The following ZFPM1 variants were observed in gnomAD, a reference collection of about 807,000 sequenced individuals.
ZFPM1 encodes zinc finger protein, FOG family member 1.
A neutral mutation model predicts 46.3 loss-of-function variants in ZFPM1; 28 were observed. The observed-to-expected ratio is 0.60, with a 90% CI of 0.45 to 0.83. The LOEUF (loss-of-function observed/expected upper bound fraction) is 0.83. ZFPM1 is among the 40% of genes least tolerant of loss of function. The pLI, the probability that ZFPM1 is intolerant of heterozygous loss-of-function variation, is 0.00. For missense variants in ZFPM1, 1,878 were observed against 1,432.4 expected (o/e 1.31, Z -5.02); for synonymous variants, 957 against 675.9 (o/e 1.42, Z -6.45).
intron 1 of ZFPM1, among the ~76,000 whole-genome samples, chr16:88,473,338 C>T (rs1908512491): frequency 6.6e-6 from 1 of 150,568 alleles, no homozygotes; most frequent in Non-Finnish European, 1.5e-5. Flanking sequence ...GTCTCCTGGG[C>T]TTGTGAGCTC....
chr16:88,485,895 C>T, intron 1 of ZFPM1, 44 bp from the exon 2 acceptor site: 2 of 1,574,298 alleles, frequency 1.3e-6, no homozygotes, highest in Middle Eastern at 1.7e-4. Flanking sequence ...CAGGAGCTGT[C>T]CCCCCAGAGC....
intron 4 of ZFPM1, among the ~76,000 whole-genome samples, chr16:88,526,514 G>A (rs1266782625): frequency 6.6e-6 from 1 of 152,182 alleles, no homozygotes; most frequent in African/African-American, 2.4e-5. Flanking sequence ...GTGACCTGGA[G>A]CATGTTGCTC....
intron 1 of ZFPM1, among the ~76,000 whole-genome samples, chr16:88,472,874 G>C (rs190135858): frequency 1.5e-3 from 228 of 152,364 alleles, no homozygotes; most frequent in African/African-American, 4.6e-3. Context: ...TGGGTTGGAG[G>C]CTGATGTGTT....
At position 88,533,921 on chromosome 16, in the gene ZFPM1, G is replaced by A. The variant is rs1389499917; in HGVS notation, c.1963G>A (p.Glu655Lys). 1.4e-5 allele frequency: 17 copies of A among 1,209,944 alleles called. 1 individual carries two copies. In the South Asian group the frequency reaches 1.5e-4, roughly 10 times the overall value. The allele number at this position is 1,209,944 out of a possible 1,614,324, so 75.0% of individuals were successfully genotyped here. The change falls in exon 10 of 10, where the codon GAG becomes AAG. Residue 655 changes from glutamate (E) to lysine (K), a missense_variant. By Grantham distance (56) the Glu-to-Lys change is moderately conservative. Transcript: ENST00000319555. ...GGGGGCTGGGGGCGCGGCCACGCCCGAGGACGGCGCGGGCGGCCGGGGCAG... is the reference window on the plus strand; with the variant it reads ...GGGGGCTGGGGGCGCGGCCACGCCCAAGGACGGCGCGGGCGGCCGGGGCAG... ...EEGAGGAATP[E>K]DGAGGRGSEG... is the part of the protein sequence containing the mutation.
chr16:88,528,172 C>A lies in ZFPM1; in HGVS notation c.646C>A (p.His216Asn). ...AGAGCCCACGTGCCCGGCCCCTGCA[C>A]ACGACCTCCAGCTCCTGCCCCAGCA... ...PAEPTCPAPAHDLQLLPQQAG... is the reference protein window; with the variant it reads ...PAEPTCPAPANDLQLLPQQAG... Residue 216 changes from histidine to asparagine, a missense_variant, in exon 6 of 10, where the codon CAC becomes AAC. Coordinates refer to ENST00000319555, the MANE Select transcript of ZFPM1 (RefSeq NM_153813.3). 2 of 1,610,108 alleles carry A rather than the reference C, an allele frequency of 1.2e-6. No homozygotes were observed. Among genetic ancestry groups the A allele is most frequent in the Non-Finnish European group, 1.7e-6 (2 of 1,179,338 alleles).
chr16:88,489,238 G>A (rs1364375324), intron 3 of ZFPM1, 85 bp downstream of exon 3: 7 of 1,487,796 alleles, frequency 4.7e-6, no homozygotes, highest in African/African-American at 1.4e-5. Context: ...GTGGGTGCTG[G>A]GGCAGGTGTG....
chr16:88,517,969 G>T (rs1406052592), intron 4 of ZFPM1, among the ~76,000 whole-genome samples: 1 of 152,088 alleles, frequency 6.6e-6, no homozygotes, highest in Non-Finnish European at 1.5e-5. Context: ...CCAGCACTTT[G>T]GGAGGCCGAG....
intron 3 of ZFPM1, among the ~76,000 whole-genome samples, chr16:88,502,372 C>T (rs1439557079): frequency 6.6e-6 from 1 of 152,034 alleles, no homozygotes; most frequent in South Asian, 2.1e-4. Context: ...GGGGCCCGGG[C>T]GCCGGGCACT....
chr16:88,471,380 G>A lies in ZFPM1; in HGVS notation c.41-14559G>A, dbSNP rs62048964. 1.3e-5 allele frequency among the ~76,000 whole-genome samples: 2 copies of A among 152,198 alleles called. No individual in the cohort carries two copies. The highest frequency in any genetic ancestry group is 2.9e-5 in the Non-Finnish European group (2 of 68,026). ...GCTCCCGCTCACAGTTCAGGACCCC[G>A]AGATGACCGTGCCCACAGTGGCTCC... On this transcript the variant is annotated intron_variant, in intron 1 of 9. Transcript: ENST00000319555. The surrounding 1 kb of genome is among the most constrained non-coding windows in gnomAD (Gnocchi z 4.1).
chr16:88,517,534 G>T (rs1450386376), intron 4 of ZFPM1, among the ~76,000 whole-genome samples: 2 of 151,616 alleles, frequency 1.3e-5, no homozygotes, highest in African/African-American at 4.8e-5. Context: ...ATAGGTGGGT[G>T]GATGGATGAG....
rs550809313 is a variant in ZFPM1 at position 88,471,779 on chromosome 16, C to A, written c.41-14160C>A. 6.6e-6 allele frequency among the ~76,000 whole-genome samples: 1 copy of A among 152,396 alleles called. No homozygotes were observed. Among genetic ancestry groups the A allele is most frequent in the East Asian group, 1.9e-4 (1 of 5,190 alleles). ...CTGGGATCTGCCACAGACACCTGAG[C>A]CTGTGACTAAGACTAAGGCTGTGTG... On this transcript the variant is annotated intron_variant, in intron 1 of 9. Coordinates refer to ENST00000319555, the MANE Select transcript of ZFPM1 (RefSeq NM_153813.3). The surrounding 1 kb of genome is among the most constrained non-coding windows in gnomAD (Gnocchi z 4.1).
intron 3 of ZFPM1, among the ~76,000 whole-genome samples, chr16:88,513,573 G>A (rs1318800045): frequency 6.6e-6 from 1 of 152,216 alleles, no homozygotes; most frequent in Admixed American, 6.5e-5. Flanking sequence ...TGTGTGGCCT[G>A]GGAGGAGCCA....
chr16:88,492,503 T>C lies in ZFPM1; in HGVS notation c.268+3350T>C, dbSNP rs114440042. Reference sequence around the variant, plus strand: ...GGGAGGTGACTGGGCCCTGAGTCTGTTTCCCATCTGTCCTGCATGTGGATG... The same window carrying C: ...GGGAGGTGACTGGGCCCTGAGTCTGCTTCCCATCTGTCCTGCATGTGGATG... On this transcript the variant is annotated intron_variant, in intron 3 of 9. Coordinates refer to ENST00000319555, the MANE Select transcript of ZFPM1 (RefSeq NM_153813.3). Among the ~76,000 whole-genome samples, 1,377 of 152,320 alleles carry C rather than the reference T, an allele frequency of 9.0e-3. 21 individuals carry two copies. Among genetic ancestry groups the C allele is most frequent in the African/African-American group, 0.031 (1,287 of 41,566 alleles).
chr16:88,456,359 A>C (rs573367289), intron 1 of ZFPM1, among the ~76,000 whole-genome samples: 6 of 151,964 alleles, frequency 3.9e-5, no homozygotes, highest in Non-Finnish European at 8.8e-5. Flanking sequence ...GGTAGTTCCT[A>C]GCAAGAACCA....
chr16:88,454,087 G>A (rs1907424326), intron 1 of ZFPM1, among the ~76,000 whole-genome samples: 1 of 152,230 alleles, frequency 6.6e-6, no homozygotes, highest in Non-Finnish European at 1.5e-5. Context: ...CTGTCGGGAC[G>A]GGCTGAAATT....
chr16:88,456,687 TG>T (rs1243864029), intron 1 of ZFPM1, among the ~76,000 whole-genome samples: 1 of 151,856 alleles, frequency 6.6e-6, no homozygotes, highest in East Asian at 1.9e-4. Context: ...GAGAGGCGCC[TG>T]GGGCTGGGGG....
In ZFPM1 at chr16:88,505,766, AAGG is replaced by A. The variant is rs372202963; in HGVS notation, c.269-8618_269-8616del. On this transcript the variant is annotated intron_variant, in intron 3 of 9. Coordinates refer to ENST00000319555, the MANE Select transcript of ZFPM1 (RefSeq NM_153813.3). The stretch of plus-strand genomic sequence containing the variant: ...ATGTGGGTCCTGAGCACATCTTGGC[AAGG>A]AGACCACCGTGCTGGTGGGCGGGTG... Among the ~76,000 whole-genome samples the A allele has an allele frequency of 4.1e-3, 618 of 152,280 alleles. 5 individuals are homozygous for A. Among genetic ancestry groups the A allele is most frequent in the African/African-American group, 0.014 (592 of 41,558 alleles).
intron 1 of ZFPM1, among the ~76,000 whole-genome samples, chr16:88,483,135 C>G (rs557899531): frequency 6.6e-6 from 1 of 152,282 alleles, no homozygotes; most frequent in African/African-American, 2.4e-5. Context: ...GAGCCCAGCC[C>G]CCTCCTATAA....
At chr16:88,529,473 G>A (rs1162319063) in intron 6 of ZFPM1, among the ~76,000 whole-genome samples, 4 of 152,208 alleles carry the variant, frequency 2.6e-5, no homozygotes, top group Admixed American at 1.3e-4. Flanking sequence ...ATGTCAGCCC[G>A]TATGAGAGTC....
Sources: gnomAD v4.1 joint callset for allele counts (sites outside exome capture counted in the v4.1 genomes callset) on GRCh38, gnomAD v4.1.1 for gene constraint, Gnocchi (gnomAD v3.1) non-coding constraint, MANE v1.5 for transcripts, NCBI Gene and HGNC (gene_info 2026-07-23, HGNC 2026-07-21) for gene names.